Variants in ZCWPW2 observed in about 807,000 individuals in gnomAD.
ZCWPW2 encodes the protein zinc finger CW-type and PWWP domain containing 2, also known as zinc finger CW-type PWWP domain protein 2.
In ZCWPW2, 45 loss-of-function variants were observed where a neutral mutation model predicts 46.6. That is an observed-to-expected ratio of 0.96 (90% confidence interval 0.76 to 1.24). The LOEUF is 1.24. Among genes scored for constraint, ZCWPW2 ranks in the 50% most tolerant of loss-of-function variants. The pLI is 0.00. For missense variants in ZCWPW2, 429 were observed against 403.9 expected (o/e 1.06, Z -0.53); for synonymous variants, 152 against 137.1 (o/e 1.11, Z -0.76).
chr3:28,465,842 G>A (rs944809544), intron 4 of ZCWPW2, among the ~76,000 whole-genome samples: 4 of 152,048 alleles, frequency 2.6e-5, no homozygotes, highest in Non-Finnish European at 5.9e-5. Context: ...AGTGTGTCAG[G>A]TCATAGTCTT....
intron 3 of ZCWPW2, among the ~76,000 whole-genome samples, chr3:28,421,841 T>TGC (rs1696805720): frequency 6.8e-6 from 1 of 146,876 alleles, no homozygotes; most frequent in South Asian, 2.2e-4. Flanking sequence ...AGTTTGTGTG[T>TGC]GTGTGTGTGT....
At chr3:28,475,291 G>A (rs761669811) in intron 4 of ZCWPW2, among the ~76,000 whole-genome samples, 21 of 152,072 alleles carry the variant, frequency 1.4e-4, no homozygotes, top group Non-Finnish European at 2.2e-4. Context: ...TGGTCAGGAC[G>A]TGCTTTTTGC....
chr3:28,376,640 C>T (rs1705509268), intron 1 of ZCWPW2, among the ~76,000 whole-genome samples: 1 of 152,104 alleles, frequency 6.6e-6, no homozygotes, highest in South Asian at 2.1e-4. Context: ...GCTTCATCCT[C>T]AGATTTCAGT....
intron 6 of ZCWPW2, among the ~76,000 whole-genome samples, chr3:28,511,465 T>C (rs149205436): frequency 7.5e-4 from 114 of 152,308 alleles, no homozygotes; most frequent in African/African-American, 2.6e-3. Context: ...AAGTGTTAAA[T>C]CTATGAATTT....
intron 8 of ZCWPW2, among the ~76,000 whole-genome samples, chr3:28,518,957 T>TA (rs1433732585): frequency 6.6e-6 from 1 of 152,206 alleles, no homozygotes; most frequent in Non-Finnish European, 1.5e-5. Context: ...ATAAAAAACT[T>TA]ACATTCCTCT....
chr3:28,393,421 A>G (rs1000111824), intron 2 of ZCWPW2, among the ~76,000 whole-genome samples: 1 of 152,128 alleles, frequency 6.6e-6, no homozygotes, highest in African/African-American at 2.4e-5. Flanking sequence ...GAGGAAACAC[A>G]CTTCTAAACT....
chr3:28,349,269 C>T (rs1559467883), intron 1 of ZCWPW2, 66 bp downstream of exon 1: 3 of 926,868 alleles, frequency 3.2e-6, no homozygotes, highest in Non-Finnish European at 3.9e-6. Context: ...CCCTCTGGTG[C>T]GTCTTTTTCA....
chr3:28,417,662 C>G (rs1304913479), intron 3 of ZCWPW2, among the ~76,000 whole-genome samples: 1 of 131,742 alleles, frequency 7.6e-6, no homozygotes, highest in African/African-American at 2.9e-5. Context: ...AAAAGCTTAT[C>G]CACCATGATC....
intron 3 of ZCWPW2, among the ~76,000 whole-genome samples, chr3:28,420,736 T>C (rs908894626): frequency 1.1e-4 from 17 of 152,132 alleles, no homozygotes; most frequent in Admixed American, 1.1e-3. Flanking sequence ...AACAACTTTA[T>C]ATTAGACTCT....
At chr3:28,442,422 C>G (rs1160827143) in intron 4 of ZCWPW2, among the ~76,000 whole-genome samples, 1 of 152,200 alleles carries the variant, frequency 6.6e-6, no homozygotes, top group African/African-American at 2.4e-5. Context: ...TTCTTGCTCA[C>G]TGGATCCAGT....
intron 6 of ZCWPW2, among the ~76,000 whole-genome samples, chr3:28,497,445 G>A (rs1318717036): frequency 6.6e-6 from 1 of 152,028 alleles, no homozygotes; most frequent in Admixed American, 6.6e-5. Context: ...ATATGTAGAT[G>A]TTTTCAAATT....
chr3:28,426,727 T>C (rs1241765952), intron 3 of ZCWPW2, among the ~76,000 whole-genome samples: 1 of 152,178 alleles, frequency 6.6e-6, no homozygotes, highest in Non-Finnish European at 1.5e-5. Flanking sequence ...TTGGCAAATA[T>C]AATATTTAGT....
chr3:28,387,715 C>G (rs1695327486), intron 1 of ZCWPW2, among the ~76,000 whole-genome samples: 1 of 152,088 alleles, frequency 6.6e-6, no homozygotes, highest in Non-Finnish European at 1.5e-5. Flanking sequence ...ATAGGAAACT[C>G]AAAATAAAAG....
chr3:28,379,664 T>C (rs1351551749), intron 1 of ZCWPW2, among the ~76,000 whole-genome samples: 2 of 152,150 alleles, frequency 1.3e-5, no homozygotes, highest in Non-Finnish European at 2.9e-5. Context: ...TTGAGCAAAA[T>C]TAAGGAACTT....
At chr3:28,509,795 T>C (rs1463993337) in intron 6 of ZCWPW2, among the ~76,000 whole-genome samples, 1 of 152,198 alleles carries the variant, frequency 6.6e-6, no homozygotes, top group East Asian at 1.9e-4. Flanking sequence ...CTTGATTGTG[T>C]CCGTTAAAAT....
Position 28,384,406 on chromosome 3 carries a change from C to T in ZCWPW2, c.-133-6092C>T, listed in dbSNP as rs150884527. Reference sequence around the variant, plus strand: ...TCTAAAAACAAGAAAAGCAACCTTACGGCTTCCCTGCTTTCCTGAAGCTTT... The same window carrying T: ...TCTAAAAACAAGAAAAGCAACCTTATGGCTTCCCTGCTTTCCTGAAGCTTT... On this transcript the variant is annotated intron_variant, in intron 1 of 9. Coordinates refer to ENST00000383768, the MANE Select transcript of ZCWPW2 (RefSeq NM_001040432.4). Among the ~76,000 whole-genome samples the T allele has an allele frequency of 1.1e-3, 165 of 152,168 alleles. 1 individual carries two copies. The highest frequency in any genetic ancestry group is 3.5e-3 in the African/African-American group (147 of 41,522).
chr3:28,386,516 T>A (rs1302277058), intron 1 of ZCWPW2, among the ~76,000 whole-genome samples: 1 of 152,202 alleles, frequency 6.6e-6, no homozygotes, highest in Non-Finnish European at 1.5e-5. Context: ...TTATACATCA[T>A]TTTGTAAAGT....
At chr3:28,383,598 A>G (rs1036998289) in intron 1 of ZCWPW2, among the ~76,000 whole-genome samples, 1 of 151,728 alleles carries the variant, frequency 6.6e-6, no homozygotes, top group Non-Finnish European at 1.5e-5. Context: ...AATCTAGAAG[A>G]TAAGAGGTGT....
intron 2 of ZCWPW2, among the ~76,000 whole-genome samples, chr3:28,403,799 C>T (rs1696043904): frequency 6.6e-6 from 1 of 152,080 alleles, no homozygotes; most frequent in Non-Finnish European, 1.5e-5. Flanking sequence ...GAGGAAAGGA[C>T]ACTCTTTTCA....
Sources: gnomAD v4.1 joint callset for allele counts (sites outside exome capture counted in the v4.1 genomes callset) on GRCh38, gnomAD v4.1.1 for gene constraint, MANE v1.5 for transcripts, NCBI Gene and HGNC (gene_info 2026-07-23, HGNC 2026-07-21) for gene names.